CCDC102B: variants seen among roughly 807,000 people sequenced by gnomAD.
CCDC102B encodes coiled-coil domain containing 102B, also known as coiled-coil domain-containing protein 102B.
CCDC102B carries 75 observed loss-of-function variants against 57.4 expected under a neutral mutation model. That is an observed-to-expected ratio of 1.31 (90% CI 1.08 to 1.58). CCDC102B has a LOEUF of 1.58. Ranked by LOEUF, CCDC102B falls within the 40% of genes most tolerant of loss-of-function variation. The pLI is 0.00. For missense variants in CCDC102B, 636 were observed against 582.6 expected, an observed-to-expected ratio of 1.09 and a Z score of -0.94; for synonymous variants, 206 against 201.9, an observed-to-expected ratio of 1.02 and a Z score of -0.17.
At chr18:68,784,229 G>T (rs1254706313) in intron 2 of CCDC102B, among the ~76,000 whole-genome samples, 1 of 152,088 alleles carries the variant, frequency 6.6e-6, no homozygotes, top group Non-Finnish European at 1.5e-5. Flanking sequence ...GTTTTGTAGG[G>T]GGCAGCGCTC....
At chr18:68,870,917 C>A (rs1205334881) in intron 4 of CCDC102B, among the ~76,000 whole-genome samples, 2 of 152,064 alleles carry the variant, frequency 1.3e-5, no homozygotes, top group East Asian at 1.9e-4. Flanking sequence ...TTTTCTTTTT[C>A]TACCATATAT....
chr18:69,050,935 T>G (rs1444570402), intron 7 of CCDC102B, among the ~76,000 whole-genome samples: 1 of 152,144 alleles, frequency 6.6e-6, no homozygotes, highest in Non-Finnish European at 1.5e-5. Flanking sequence ...CTCAGGTTGG[T>G]GTACAGTGGT....
At chr18:68,796,844 T>C (rs1285468183), upstream of CCDC102B, among the ~76,000 whole-genome samples, 1 of 3,052 alleles carries the variant, frequency 3.3e-4, no homozygotes, top group African/African-American at 4.3e-4. Flanking sequence ...TGTACATGCA[T>C]GTGTGTGTGT....
chr18:68,878,038 G>A (rs79783763), intron 5 of CCDC102B, among the ~76,000 whole-genome samples: 2 of 152,286 alleles, frequency 1.3e-5, no homozygotes, highest in Non-Finnish European at 2.9e-5. Context: ...AATAAGAATG[G>A]AGGAAGGGCA....
At chr18:68,960,975 A>G (rs1435617108) in intron 6 of CCDC102B, among the ~76,000 whole-genome samples, 1 of 152,230 alleles carries the variant, frequency 6.6e-6, no homozygotes. Flanking sequence ...TCCATTATAT[A>G]CAGTGGGCTA....
chr18:69,030,447 C>G (rs1181994544), intron 7 of CCDC102B, among the ~76,000 whole-genome samples: 1 of 152,128 alleles, frequency 6.6e-6, no homozygotes, highest in Non-Finnish European at 1.5e-5. Context: ...TTATAGTAGA[C>G]ACATGCAGGA....
chr18:68,766,556 A>C (rs1649034394), intron 2 of CCDC102B, among the ~76,000 whole-genome samples: 1 of 152,224 alleles, frequency 6.6e-6, no homozygotes, highest in East Asian at 1.9e-4. Context: ...ACAATCATTC[A>C]TTTAGTCCTT....
intron 6 of CCDC102B, among the ~76,000 whole-genome samples, chr18:68,953,839 A>G (rs147018797): frequency 6.6e-6 from 1 of 152,232 alleles, no homozygotes; most frequent in African/African-American, 2.4e-5. Context: ...TCTAGTTCTT[A>G]AGTTTGTTGT....
chr18:68,976,335 T>C (rs927471659), intron 6 of CCDC102B, among the ~76,000 whole-genome samples: 5 of 152,108 alleles, frequency 3.3e-5, no homozygotes, highest in African/African-American at 9.6e-5. Flanking sequence ...ATAATAAAAA[T>C]GGTGTGAATT....
intron 1 of CCDC102B, among the ~76,000 whole-genome samples, chr18:68,809,066 C>A (rs2036148816): frequency 6.6e-6 from 1 of 152,098 alleles, no homozygotes; most frequent in Admixed American, 6.5e-5. Flanking sequence ...TTCATGTTCA[C>A]TAATAATTTT....
At chr18:68,851,850 G>A (rs182609367) in intron 4 of CCDC102B, among the ~76,000 whole-genome samples, 2 of 152,210 alleles carry the variant, frequency 1.3e-5, no homozygotes, top group East Asian at 1.9e-4. Flanking sequence ...CAATGGCAAT[G>A]TTTTACACCG....
chr18:68,986,437 C>G (rs2050725288), intron 6 of CCDC102B, among the ~76,000 whole-genome samples: 1 of 152,054 alleles, frequency 6.6e-6, no homozygotes, highest in Non-Finnish European at 1.5e-5. Flanking sequence ...TTGATAGAAT[C>G]CAACATCCTT....
chr18:68,952,557 CT>C (rs2049728357), intron 6 of CCDC102B, among the ~76,000 whole-genome samples: 1 of 152,074 alleles, frequency 6.6e-6, no homozygotes, highest in Non-Finnish European at 1.5e-5. Context: ...GCCCTCACCC[CT>C]ATTCTTTAGG....
intron 5 of CCDC102B, among the ~76,000 whole-genome samples, chr18:68,877,133 T>A (rs1402590813): frequency 4.6e-5 from 7 of 152,192 alleles, no homozygotes; most frequent in African/African-American, 1.4e-4. Flanking sequence ...CTGAAAAGAT[T>A]TCTAGCTAAC....
intron 2 of CCDC102B, among the ~76,000 whole-genome samples, chr18:68,782,836 A>G (rs2035051552): frequency 6.6e-6 from 1 of 152,226 alleles, no homozygotes; most frequent in Admixed American, 6.5e-5. Flanking sequence ...TCTAAAAGGC[A>G]AAGGCCATAT....
intron 7 of CCDC102B, among the ~76,000 whole-genome samples, chr18:69,038,750 A>G (rs73967776): frequency 0.057 from 8,709 of 152,018 alleles, 383 homozygotes; most frequent in East Asian, 0.16. Flanking sequence ...ATTTATTAAT[A>G]TACACAAGCA....
At chr18:68,957,376 TC>T (rs1425949437) in intron 6 of CCDC102B, among the ~76,000 whole-genome samples, 1 of 152,216 alleles carries the variant, frequency 6.6e-6, no homozygotes, top group Non-Finnish European at 1.5e-5. Flanking sequence ...GACTGTCCTT[TC>T]CCCAATGTAT....
At chr18:68,853,740 T>A (rs775285145) in intron 4 of CCDC102B, among the ~76,000 whole-genome samples, 5 of 147,072 alleles carry the variant, frequency 3.4e-5, no homozygotes, top group Non-Finnish European at 7.4e-5. Context: ...GTCCTCTGCA[T>A]TCCTTTAGGT....
chr18:68,982,623 A>G (rs2050621482), intron 6 of CCDC102B, among the ~76,000 whole-genome samples: 1 of 151,754 alleles, frequency 6.6e-6, no homozygotes, highest in Non-Finnish European at 1.5e-5. Context: ...TTTTTAGTAC[A>G]TTGTTTTTTT....
Sources: gnomAD v4.1 joint callset for allele counts (sites outside exome capture counted in the v4.1 genomes callset) on GRCh38, gnomAD v4.1.1 for gene constraint, MANE v1.5 for transcripts, NCBI Gene and HGNC (gene_info 2026-07-23, HGNC 2026-07-21) for gene names.